The following FCHSD2 variants were observed in gnomAD, a reference collection of about 807,000 sequenced individuals.
The protein encoded by FCHSD2 is F-BAR and double SH3 domains protein 2.
Under a neutral mutation model 108.1 loss-of-function variants are expected in FCHSD2, and 38 were observed. The ratio of observed to expected loss-of-function variants is 0.35; its 90% CI spans 0.27 to 0.46. The LOEUF (loss-of-function observed/expected upper bound fraction) is 0.46, where lower values mean the gene tolerates loss of function less well. Ranked by LOEUF, FCHSD2 falls within the 20% of genes least tolerant of loss-of-function variation. The pLI, the probability that FCHSD2 is intolerant of heterozygous loss-of-function variation, is 1.00. For missense variants in FCHSD2, 751 were observed against 897.8 expected (o/e 0.84, Z 2.09); for synonymous variants, 279 against 314.7 (o/e 0.89, Z 1.20).
chr11:72,854,554 C>T (rs1177689431), intron 13 of FCHSD2, among the ~76,000 whole-genome samples: 1 of 152,130 alleles, frequency 6.6e-6, no homozygotes, highest in Non-Finnish European at 1.5e-5. Flanking sequence ...ACTTCAGCCC[C>T]CCGAGTAGCC....
At chr11:73,070,231 T>C (rs890616514) in intron 3 of FCHSD2, among the ~76,000 whole-genome samples, 1 of 152,184 alleles carries the variant, frequency 6.6e-6, no homozygotes, top group African/African-American at 2.4e-5. Flanking sequence ...GTCTATTTCA[T>C]AAGGCTATTT....
chr11:72,882,629 T>C (rs772461298), intron 12 of FCHSD2, among the ~76,000 whole-genome samples: 9 of 152,184 alleles, frequency 5.9e-5, no homozygotes, highest in Non-Finnish European at 1.3e-4. Context: ...TATGCATGTA[T>C]CAAAATATCA....
In FCHSD2 at chr11:72,961,402, TTTTTTGTTG is replaced by T. The variant is rs1426367121; in HGVS notation, c.705+22677_705+22685del. Among the ~76,000 whole-genome samples the T allele has an allele frequency of 5.7e-5, 8 of 140,844 alleles. No homozygotes were observed. In the South Asian group the frequency reaches 1.1e-3, roughly 20 times the overall value. The allele number at this position is 140,844 out of a possible 152,430, so 92.4% of individuals were successfully genotyped here. A position where few individuals can be genotyped will look rare whatever the true frequency, so the allele number is the denominator to read the frequency against. ...TCATGCCTGGTTTATTTTTAAGAAG[TTTTTTGTTG>T]TTGTTGTTGTTGTTGTTGTTGTTTT... On this transcript the variant is annotated intron_variant, in intron 8 of 19. Coordinates refer to ENST00000409418, the MANE Select transcript of FCHSD2 (RefSeq NM_014824.3).
intron 5 of FCHSD2, among the ~76,000 whole-genome samples, chr11:72,994,077 C>T (rs1333835091): frequency 6.6e-6 from 1 of 152,050 alleles, no homozygotes; most frequent in Non-Finnish European, 1.5e-5. Flanking sequence ...GCAAATGTGT[C>T]TCACTCCCTT....
chr11:72,841,729 AT>A (rs1035847934), intron 17 of FCHSD2, 146 bp from the exon 18 acceptor site: 2 of 781,998 alleles, frequency 2.6e-6, no homozygotes, highest in Non-Finnish European at 3.9e-6. Context: ...GCAACTGAGC[AT>A]TAAATAACCA....
chr11:72,905,647 T>C (rs1855613655), intron 9 of FCHSD2, among the ~76,000 whole-genome samples: 2 of 152,228 alleles, frequency 1.3e-5, no homozygotes, highest in South Asian at 4.2e-4. Flanking sequence ...GTCCATGTGT[T>C]CTCATTGTTC....
intron 11 of FCHSD2, 127 bp from the exon 12 acceptor site, chr11:72,887,701 A>AT: frequency 1.7e-6 from 1 of 575,846 alleles, no homozygotes; most frequent in South Asian, 2.6e-5. Context: ...TCATTTATTT[A>AT]TTTTTTGAAC....
intron 2 of FCHSD2, among the ~76,000 whole-genome samples, chr11:73,099,303 A>G (rs947145358): frequency 6.6e-6 from 1 of 152,212 alleles, no homozygotes; most frequent in Non-Finnish European, 1.5e-5. Context: ...GAAAATAATA[A>G]GCATTGGCCA....
chr11:72,924,799 T>A (rs1183586537), intron 8 of FCHSD2, among the ~76,000 whole-genome samples: 1 of 152,118 alleles, frequency 6.6e-6, no homozygotes. Context: ...ATTTAGGCAC[T>A]GCAAATATTA....
In FCHSD2 at chr11:73,032,973, A is replaced by G. The variant is rs1013714937; in HGVS notation, c.166-17088T>C. 1.3e-5 allele frequency among the ~76,000 whole-genome samples: 2 copies of G among 152,142 alleles called. 1 individual carries two copies. The highest frequency in any genetic ancestry group is 2.9e-5 in the Non-Finnish European group (2 of 68,010). On this transcript the variant is annotated intron_variant, in intron 3 of 19. Transcript: ENST00000409418. ...GTGATTTAAAAATCATTCTAGCTGC[A>G]GTGTGGGAAACATGGATTAAGAGTA...
At chr11:73,009,515 G>C (rs1857815178) in intron 4 of FCHSD2, among the ~76,000 whole-genome samples, 1 of 152,026 alleles carries the variant, frequency 6.6e-6, no homozygotes, top group Non-Finnish European at 1.5e-5. Context: ...AGTCATACTA[G>C]AAAAAATTAA....
chr11:73,085,827 C>T (rs181185749), intron 2 of FCHSD2, among the ~76,000 whole-genome samples: 319 of 152,132 alleles, frequency 2.1e-3, no homozygotes, highest in African/African-American at 7.2e-3. Flanking sequence ...AGAGTTACCA[C>T]ATTATTACAT....
chr11:72,912,406 T>C (rs1205568119), intron 9 of FCHSD2, among the ~76,000 whole-genome samples: 1 of 152,208 alleles, frequency 6.6e-6, no homozygotes, highest in Non-Finnish European at 1.5e-5. Flanking sequence ...AATGATCATA[T>C]AGTTTTTGCC....
At chr11:72,955,123 C>G (rs1170106037) in intron 8 of FCHSD2, among the ~76,000 whole-genome samples, 1 of 152,162 alleles carries the variant, frequency 6.6e-6, no homozygotes, top group Non-Finnish European at 1.5e-5. Flanking sequence ...TGCTAACCCA[C>G]AAGACTGCTC....
intron 2 of FCHSD2, among the ~76,000 whole-genome samples, chr11:73,128,013 A>C (rs1476796175): frequency 3.4e-5 from 5 of 146,868 alleles, no homozygotes; most frequent in African/African-American, 1.2e-4. Context: ...GACCATCTCA[A>C]AAAAAAAAAA....
intron 8 of FCHSD2, among the ~76,000 whole-genome samples, chr11:72,963,000 G>A (rs1267206793): frequency 2.0e-5 from 3 of 152,156 alleles, no homozygotes; most frequent in African/African-American, 7.2e-5. Flanking sequence ...GTGTGAGCTG[G>A]CAAGTTACCT....
At chr11:72,910,581 A>C (rs1296333375) in intron 9 of FCHSD2, among the ~76,000 whole-genome samples, 4 of 152,178 alleles carry the variant, frequency 2.6e-5, no homozygotes, top group African/African-American at 9.7e-5. Context: ...AAATGGATTA[A>C]GGGTGGTGCA....
At chr11:72,941,197 C>A (rs1306056602) in intron 8 of FCHSD2, 8 of 305,462 alleles carry the variant, frequency 2.6e-5, no homozygotes, top group Non-Finnish European at 4.3e-5. Context: ...TATTTTTATT[C>A]TCCTTCAAGG....
At chr11:72,845,828 G>C (rs1180720536) in intron 14 of FCHSD2, among the ~76,000 whole-genome samples, 4 of 152,096 alleles carry the variant, frequency 2.6e-5, no homozygotes, top group African/African-American at 9.7e-5. Context: ...ATTTTTATGG[G>C]CAAGTGACTG....
Sources: gnomAD v4.1 joint callset for allele counts (sites outside exome capture counted in the v4.1 genomes callset) on GRCh38, gnomAD v4.1.1 for gene constraint, MANE v1.5 for transcripts, NCBI Gene and HGNC (gene_info 2026-07-23, HGNC 2026-07-21) for gene names.